The following EVC variants were observed in gnomAD, a reference collection of about 807,000 sequenced individuals.
EVC encodes the protein EvC ciliary complex subunit 1.
EVC carries 116 observed loss-of-function variants against 118.9 expected under a neutral mutation model. That is an observed-to-expected ratio of 0.98 (90% CI 0.84 to 1.14). EVC has a LOEUF of 1.14. Ranked by LOEUF, EVC falls within the 50% of genes most tolerant of loss-of-function variation. EVC has a pLI of 0.00. For synonymous variants in EVC, 619 were observed against 534.7 expected (o/e 1.16, Z -2.18); for missense variants, 1,401 against 1,246.4 (o/e 1.12, Z -1.87).
At chr4:5,758,336 GCAGCCA>G (rs1731504934) in intron 11 of EVC, 1 of 541,244 alleles carries the variant, frequency 1.8e-6, no homozygotes, top group Non-Finnish European at 3.3e-6. Context: ...CTTTGTCATG[GCAGCCA>G]CAGGAAACTA....
intron 11 of EVC, among the ~76,000 whole-genome samples, chr4:5,773,669 T>G (rs770873551): frequency 6.6e-6 from 1 of 152,114 alleles, no homozygotes; most frequent in Non-Finnish European, 1.5e-5. Flanking sequence ...CAGGTTTGTA[T>G]GCAGGTATCC....
chr4:5,750,639 C>G (rs929286701), intron 8 of EVC, among the ~76,000 whole-genome samples: 4 of 152,292 alleles, frequency 2.6e-5, no homozygotes, highest in South Asian at 2.1e-4. Context: ...AGCACCTGCT[C>G]TCTCACAGGG....
Position 5,783,606 on chromosome 4 carries a change from C to T in EVC, c.1618C>T (p.Leu540Phe). Residue 540 changes from leucine (L) to phenylalanine (F), a missense_variant, in exon 12 of 21, where the codon CTT (leucine) becomes TTT (phenylalanine). By Grantham distance (22) the Leu-to-Phe change is conservative (BLOSUM62 0). Transcript: ENST00000264956. ...TFQKFVDALF[L>F]QTLPGMTGLP... ...CCAGAAGTTCGTGGATGCCCTGTTC[C>T]TTCAGACGCTCCCTGGCATGACTGG... The T allele has an allele frequency of 6.2e-7, 1 of 1,614,194 alleles. No individual in the cohort carries two copies. The highest frequency in any genetic ancestry group is 8.5e-7 in the Non-Finnish European group (1 of 1,180,030).
chr4:5,803,609 T>C (rs1426882854), intron 16 of EVC, among the ~76,000 whole-genome samples: 2 of 152,224 alleles, frequency 1.3e-5, no homozygotes, highest in African/African-American at 4.8e-5. Context: ...CCAGCTCTCA[T>C]GCAGGGATTT....
Position 5,804,968 on chromosome 4 carries a change from C to A in EVC, c.2561+127C>A, listed in dbSNP as rs1715632410. ...CGTGGACTTGGGGGCCATCGGCCTT[C>A]CTCACCCGCTGCCTCTGTCCTGGTC... On this transcript the variant is annotated intron_variant, in intron 17 of 20. Coordinates refer to ENST00000264956, the MANE Select transcript of EVC (RefSeq NM_153717.3). The A allele has an allele frequency of 1.1e-5, 9 of 805,248 alleles. No homozygotes were observed. The East Asian group carries it at 2.3e-4, about 21-fold the overall frequency. 49.9% of individuals were successfully genotyped at this position (805,248 alleles called of 1,614,324 possible).
chr4:5,824,398 T>G, the EVC span: 1 of 985,266 alleles, frequency 1.0e-6, no homozygotes, highest in African/African-American at 1.7e-5. Context: ...CCTTGATTCA[T>G]GCCTCCTCGG....
intron 11 of EVC, among the ~76,000 whole-genome samples, chr4:5,777,158 C>T (rs1261752995): frequency 6.6e-6 from 1 of 152,088 alleles, no homozygotes; most frequent in Non-Finnish European, 1.5e-5. Context: ...ATGATACTGT[C>T]CTTCTCCAAA....
chr4:5,824,850 T>G, the EVC span: 1 of 985,424 alleles, frequency 1.0e-6, no homozygotes, highest in Non-Finnish European at 1.2e-6. Flanking sequence ...CCTGCCCTCA[T>G]GTGGCCATCT....
At position 5,754,546 on chromosome 4, in the gene EVC, C is replaced by G. The variant is rs998955466; in HGVS notation, c.1464+613C>G. Among the ~76,000 whole-genome samples the G allele has an allele frequency of 4.6e-5, 7 of 152,132 alleles. No individual in the cohort carries two copies. The highest frequency in any genetic ancestry group is 3.9e-4 in the Admixed American group (6 of 15,280). On this transcript the variant is annotated intron_variant, in intron 10 of 20. Transcript: ENST00000264956. This position sits in a 1 kb window ranked among gnomAD's most constrained non-coding sequence, Gnocchi z 5.8. ...CTAAGGACCTGGACTCGCCAGTTCT[C>G]AGAGAGACCACCGAGCTCTGGTTTC...
In EVC at chr4:5,811,291, G is replaced by A. The variant is rs557237233; in HGVS notation, c.*254G>A. On this transcript the variant is annotated 3_prime_UTR_variant, in exon 21 of 21. Coordinates refer to ENST00000264956, the MANE Select transcript of EVC (RefSeq NM_153717.3). ...TTCATTTGGCTTGGAGCCCTGGCTCGATGCCTCATGGATCTTTCTCCCCAA... is the reference window on the plus strand; with the variant it reads ...TTCATTTGGCTTGGAGCCCTGGCTCAATGCCTCATGGATCTTTCTCCCCAA... The A allele has an allele frequency of 6.0e-5, 28 of 469,278 alleles. No individual in the cohort carries two copies. Among genetic ancestry groups the A allele is most frequent in the Admixed American group, 3.0e-4 (9 of 29,888 alleles). The allele number at this position is 469,278 out of a possible 1,614,324, so 29.1% of individuals were successfully genotyped here.
Position 5,808,297 on chromosome 4 carries a change from T to C in EVC, c.2658T>C (p.Leu886=), listed in dbSNP as rs762138559. 1.2e-6 allele frequency: 2 copies of C among 1,614,172 alleles called. No individual in the cohort carries two copies. Among genetic ancestry groups the C allele is most frequent in the Admixed American group, 1.7e-5 (1 of 60,012 alleles). Residue 886 remains leucine (L), a synonymous_variant, in exon 18 of 21, where the codon CTT becomes CTC. Coordinates refer to ENST00000264956, the MANE Select transcript of EVC (RefSeq NM_153717.3). ...AGCAGCAGGCAGGAGTCATGGACCT[T>C]CTGGAAGCCCAGCTGGAGACCCAGC... The part of the protein sequence containing the change: ...AQQQQAGVMD[L]LEAQLETQLQ...
At position 5,731,109 on chromosome 4, in the gene EVC, AG is replaced by A. The variant is rs999083155; in HGVS notation, c.385-314del. Among the ~76,000 whole-genome samples, 1 of 151,938 alleles carries A rather than the reference AG, an allele frequency of 6.6e-6. No homozygotes were observed. The highest frequency in any genetic ancestry group is 2.4e-5 in the African/African-American group (1 of 41,380). On this transcript the variant is annotated intron_variant, in intron 3 of 20. Transcript: ENST00000264956. The surrounding 1 kb of genome is among the most constrained non-coding windows in gnomAD (Gnocchi z 5.6). ...GGCAAGCGGTGGCTATGGAGGAGGT[AG>A]GTCAGAGTTGGCAGCTGGGAGGAGG...
the EVC span, chr4:5,821,943 C>CCTTAGCAGAAG: frequency 1.6e-4 from 182 of 1,141,442 alleles, no homozygotes; most frequent in Middle Eastern, 2.0e-4. This position sits in a 1 kb window ranked among gnomAD's most constrained non-coding sequence, Gnocchi z 4.4. Flanking sequence ...ATGCACTCCA[C>CCTTAGCAGAAG]TGGACCCACC....
the EVC span, among the ~76,000 whole-genome samples, chr4:5,827,383 G>A: frequency 1.3e-5 from 2 of 152,130 alleles, no homozygotes; most frequent in African/African-American, 4.8e-5. Context: ...CCCATCCAGT[G>A]CAAAGCATCT....
chr4:5,758,655 G>C (rs1577463132), intron 11 of EVC, among the ~76,000 whole-genome samples: 1 of 152,134 alleles, frequency 6.6e-6, no homozygotes, highest in East Asian at 1.9e-4. Context: ...GTGTGACCTT[G>C]GCTGGTTACA....
At chr4:5,788,633 C>T (rs983563024) in intron 12 of EVC, among the ~76,000 whole-genome samples, 2 of 152,234 alleles carry the variant, frequency 1.3e-5, no homozygotes, top group African/African-American at 4.8e-5. Flanking sequence ...CTTTCACACC[C>T]TACATCGGTG....
intron 12 of EVC, among the ~76,000 whole-genome samples, chr4:5,788,829 C>T (rs1214888983): frequency 1.3e-5 from 2 of 152,168 alleles, no homozygotes; most frequent in Non-Finnish European, 1.5e-5. Flanking sequence ...TTGTCCAACC[C>T]ACAGGCTGCA....
chr4:5,774,273 C>T (rs2152237900), intron 11 of EVC, among the ~76,000 whole-genome samples: 1 of 151,808 alleles, frequency 6.6e-6, no homozygotes, highest in Middle Eastern at 3.4e-3. Context: ...TGCCTCTGCT[C>T]AGAGGGAATT....
chr4:5,821,537 G>C, the EVC span: 1 of 551,084 alleles, frequency 1.8e-6, no homozygotes, highest in Non-Finnish European at 3.2e-6. This position sits in a 1 kb window ranked among gnomAD's most constrained non-coding sequence, Gnocchi z 4.4. Flanking sequence ...ACCATGCTCC[G>C]AGGTGGATTC....
Sources: gnomAD v4.1 joint callset for allele counts (sites outside exome capture counted in the v4.1 genomes callset) on GRCh38, gnomAD v4.1.1 for gene constraint, Gnocchi (gnomAD v3.1) non-coding constraint, MANE v1.5 for transcripts, NCBI Gene and HGNC (gene_info 2026-07-23, HGNC 2026-07-21) for gene names.